The following XPO4 variants were observed in gnomAD, a reference collection of about 807,000 sequenced individuals.
XPO4 encodes exportin 4, also known as exportin-4.
A neutral mutation model predicts 143.0 loss-of-function variants in XPO4; 39 were observed. The ratio of observed to expected loss-of-function variants is 0.27; its 90% CI spans 0.21 to 0.36. The LOEUF (loss-of-function observed/expected upper bound fraction) is 0.36. Among genes scored for constraint, XPO4 ranks in the 10% least tolerant of loss-of-function variants. The pLI, the probability that XPO4 is intolerant of heterozygous loss-of-function variation, is 1.00. For missense variants in XPO4, 907 were observed against 1,348.0 expected, an observed-to-expected ratio of 0.67 and a Z score of 5.12; for synonymous variants, 439 against 474.0, an observed-to-expected ratio of 0.93 and a Z score of 0.96.
At position 20,803,354 on chromosome 13, in the gene XPO4, C is replaced by CACAT. The variant is rs1397642350; in HGVS notation, c.1818-2368_1818-2365dup. On this transcript the variant is annotated intron_variant, in intron 13 of 22. Transcript: ENST00000255305. The surrounding 1 kb of genome is among the most constrained non-coding windows in gnomAD (Gnocchi z 4.1). Reference sequence around the variant, plus strand: ...GTGGGGTTTTACACACCTGCCAATCCACATGTTCAGAGGTAGAAGTGAAAA... The same window carrying CACAT: ...GTGGGGTTTTACACACCTGCCAATCCACATACATGTTCAGAGGTAGAAGTGAAAA... Among the ~76,000 whole-genome samples, 2 of 152,188 alleles carry CACAT rather than the reference C, an allele frequency of 1.3e-5. No homozygotes were observed.
chr13:20,851,896 TC>T, intron 4 of XPO4: 1 of 985,246 alleles, frequency 1.0e-6, no homozygotes, highest in Non-Finnish European at 1.2e-6. Context: ...TCTCAGAAGA[TC>T]AGTTATTTCA....
At chr13:20,885,556 G>A (rs562213762) in intron 1 of XPO4, among the ~76,000 whole-genome samples, 1 of 146,998 alleles carries the variant, frequency 6.8e-6, no homozygotes, top group African/African-American at 2.7e-5. Flanking sequence ...AACTAAGATG[G>A]ACAGACTGGA....
chr13:20,810,077 C>T, intron 9 of XPO4, 110 bp from the exon 10 acceptor site: 1 of 861,304 alleles, frequency 1.2e-6, no homozygotes, highest in Non-Finnish European at 1.6e-6. Flanking sequence ...AACAGAGCTT[C>T]CCAATTATTG....
At chr13:20,809,432 A>G (rs1373989897) in intron 10 of XPO4, among the ~76,000 whole-genome samples, 1 of 152,172 alleles carries the variant, frequency 6.6e-6, no homozygotes, top group Non-Finnish European at 1.5e-5. Flanking sequence ...AAAACATACA[A>G]GAGCAAGAAG....
rs186295365 is a variant in XPO4 at position 20,780,629 on chromosome 13, C to T, written c.*3093G>A. The T allele has an allele frequency of 1.4e-4, 21 of 151,992 alleles. No individual in the cohort carries two copies. Among genetic ancestry groups the T allele is most frequent in the African/African-American group, 2.2e-4 (9 of 41,356 alleles). 9.4% of individuals were successfully genotyped at this position (151,992 alleles called of 1,614,324 possible). On this transcript the variant is annotated 3_prime_UTR_variant, in exon 23 of 23. Coordinates refer to ENST00000255305, the MANE Select transcript of XPO4 (RefSeq NM_022459.5). ...ATATAATTAGATACACAGTTTACAA[C>T]GAAATAAGACTAAATTCTTAAAATT... is the stretch of plus-strand genomic sequence containing the variant.
intron 2 of XPO4, 71 bp downstream of exon 2, chr13:20,868,525 C>A: frequency 6.6e-7 from 1 of 1,513,630 alleles, no homozygotes; most frequent in East Asian, 2.4e-5. Context: ...TTTAAAATAG[C>A]TAATGTTTAA....
intron 5 of XPO4, 69 bp from the exon 6 acceptor site, chr13:20,843,117 T>C (rs1289578962): frequency 2.1e-6 from 3 of 1,421,396 alleles, no homozygotes; most frequent in African/African-American, 1.4e-5. Flanking sequence ...TTTAGAATCA[T>C]GAAACAAAAC....
chr13:20,788,633 C>A lies in XPO4; in HGVS notation c.2917-17G>T, dbSNP rs2141482383. 1 of 1,572,638 alleles carries A rather than the reference C, an allele frequency of 6.4e-7. No homozygotes were observed. Among genetic ancestry groups the A allele is most frequent in the South Asian group, 1.2e-5 (1 of 83,636 alleles). Reference sequence around the variant, plus strand: ...GGTTGGAAACTGAAAAAGAAATATTCAATTATTTGGATGCTCATTAGTATC... The same window carrying A: ...GGTTGGAAACTGAAAAAGAAATATTAAATTATTTGGATGCTCATTAGTATC... On this transcript the variant is annotated splice_polypyrimidine_tract_variant and intron_variant, in intron 19 of 22. Coordinates refer to ENST00000255305, the MANE Select transcript of XPO4 (RefSeq NM_022459.5).
intron 4 of XPO4, among the ~76,000 whole-genome samples, chr13:20,844,405 G>GT (rs1209197806): frequency 3.3e-5 from 5 of 152,162 alleles, no homozygotes; most frequent in Admixed American, 2.6e-4. Flanking sequence ...ATACCCAAAA[G>GT]TTTTTTAAAT....
At chr13:20,796,358 G>T in intron 17 of XPO4, 102 bp from the exon 18 acceptor site, 1 of 813,386 alleles carries the variant, frequency 1.2e-6, no homozygotes, top group Non-Finnish European at 1.7e-6. Flanking sequence ...TCCAACAGTA[G>T]CAATAATTCT....
At chr13:20,876,284 A>AT (rs2060352845) in intron 1 of XPO4, among the ~76,000 whole-genome samples, 2 of 147,880 alleles carry the variant, frequency 1.4e-5, no homozygotes, top group South Asian at 4.4e-4. Flanking sequence ...AAAAAAAAAA[A>AT]GAATAAGAAG....
rs1254679119 is a variant in XPO4, at chr13:20,799,273, T to C, written c.2214A>G (p.Pro738=). ...CAGGACTTGACAAGAAATTAAGAGG[T>C]GGGCTTCGGCTTGCAAACTGCTTAG... ...NLAKQFASRS[P]PLNFLSSPVQ... Residue 738 remains proline, a synonymous_variant, in exon 16 of 23, where the codon CCA becomes CCG. Transcript: ENST00000255305. 2 of 1,613,944 alleles carry C rather than the reference T, an allele frequency of 1.2e-6. No homozygotes were observed. The highest frequency in any genetic ancestry group is 1.3e-5 in the African/African-American group (1 of 74,910).
chr13:20,787,438 T>C (rs200849567), intron 21 of XPO4, 43 bp downstream of exon 21: 204 of 1,566,552 alleles, frequency 1.3e-4, no homozygotes, highest in Middle Eastern at 1.7e-4. Context: ...GACCACACTT[T>C]TGAAAGTAGC....
At chr13:20,833,461 C>G (rs2059877433) in intron 6 of XPO4, among the ~76,000 whole-genome samples, 1 of 152,186 alleles carries the variant, frequency 6.6e-6, no homozygotes. Flanking sequence ...ATCCCATATA[C>G]TTTAAATCAC....
chr13:20,802,174 G>A (rs1008726381), intron 13 of XPO4, among the ~76,000 whole-genome samples: 1 of 151,992 alleles, frequency 6.6e-6, no homozygotes, highest in Non-Finnish European at 1.5e-5. Flanking sequence ...CCTCCTGCCT[G>A]AGTTTCCCAA....
intron 13 of XPO4, 54 bp from the exon 14 acceptor site, chr13:20,801,044 A>C: frequency 6.3e-7 from 1 of 1,583,148 alleles, no homozygotes. Flanking sequence ...GTTGCTGTCT[A>C]ATCATATTTT....
chr13:20,827,143 T>C lies in XPO4; in HGVS notation c.764A>G (p.Gln255Arg). 6.2e-7 allele frequency: 1 copy of C among 1,614,034 alleles called. No homozygotes were observed. The highest frequency in any genetic ancestry group is 8.5e-7 in the Non-Finnish European group (1 of 1,179,914). Reference sequence around the variant, plus strand: ...CTCTGTTGGCTTCAACAGCACATTTTGCGAGGATTCAAACATAGCTATATA... The same window carrying C: ...CTCTGTTGGCTTCAACAGCACATTTCGCGAGGATTCAAACATAGCTATATA... ...RHYIAMFESS[Q>R]NVLLKPTESW... The change falls in exon 7 of 23, where the codon CAA becomes CGA. Residue 255 changes from glutamine (Q) to arginine (R), a missense_variant. Physicochemically the swap from Gln to Arg is conservative, Grantham distance 43. Transcript: ENST00000255305.
chr13:20,791,261 C>G (rs2059276789), intron 18 of XPO4, among the ~76,000 whole-genome samples: 1 of 152,116 alleles, frequency 6.6e-6, no homozygotes, highest in African/African-American at 2.4e-5. Flanking sequence ...GATACTACTT[C>G]TGATTCATTA....
At chr13:20,827,582 C>T (rs762910343) in intron 6 of XPO4, among the ~76,000 whole-genome samples, 5 of 152,016 alleles carry the variant, frequency 3.3e-5, no homozygotes, top group Non-Finnish European at 5.9e-5. Context: ...ACCACATATA[C>T]AAAATGTGAG....
Sources: allele counts gnomAD v4.1 joint callset (sites outside exome capture counted in the v4.1 genomes callset), GRCh38; gene constraint gnomAD v4.1.1; non-coding constraint Gnocchi (gnomAD v3.1); transcripts MANE v1.5; gene names NCBI Gene and HGNC (gene_info 2026-07-23, HGNC 2026-07-21).